The following PITPNC1 variants were observed in gnomAD, a reference collection of about 807,000 sequenced individuals.
PITPNC1 encodes cytoplasmic phosphatidylinositol transfer protein 1.
Under a neutral mutation model 44.7 loss-of-function variants are expected in PITPNC1, and 18 were observed. That is an observed-to-expected ratio of 0.40 (90% CI 0.28 to 0.60). PITPNC1 has a LOEUF of 0.60. Ranked by LOEUF, PITPNC1 falls within the 20% of genes least tolerant of loss-of-function variation. The pLI is 0.39. For missense variants in PITPNC1, 290 were observed against 418.4 expected, an observed-to-expected ratio of 0.69 and a Z score of 2.68; for synonymous variants, 141 against 149.6, an observed-to-expected ratio of 0.94 and a Z score of 0.42.
chr17:67,425,173 AACAGCCATGTTGTG>A (rs1375378480), intron 1 of PITPNC1, among the ~76,000 whole-genome samples: 5 of 138,854 alleles, frequency 3.6e-5, no homozygotes, highest in Admixed American at 7.6e-5. Context: ...AGGTGAAATA[AACAGCCATGTTGTG>A]CGCGCGCACG....
intron 5 of PITPNC1, among the ~76,000 whole-genome samples, chr17:67,581,271 C>T (rs1049458354): frequency 6.6e-6 from 1 of 152,228 alleles, no homozygotes; most frequent in African/African-American, 2.4e-5. Context: ...AGGATCCAGG[C>T]CCATGCCAAG....
intron 1 of PITPNC1, among the ~76,000 whole-genome samples, chr17:67,461,818 C>A (rs2039342567): frequency 6.6e-6 from 1 of 152,042 alleles, no homozygotes; most frequent in Non-Finnish European, 1.5e-5. Flanking sequence ...TGTCTCTAAA[C>A]AAAAACAAAA....
chr17:67,517,080 G>A (rs567450228), intron 1 of PITPNC1, among the ~76,000 whole-genome samples: 3 of 152,336 alleles, frequency 2.0e-5, no homozygotes. Flanking sequence ...ATTGTAATGT[G>A]AAGTTCAGCT....
chr17:67,538,189 A>G (rs1287183160), intron 2 of PITPNC1, among the ~76,000 whole-genome samples: 1 of 152,134 alleles, frequency 6.6e-6, no homozygotes, highest in Non-Finnish European at 1.5e-5. Context: ...TTTGTATTTA[A>G]TAGAGCTGGC....
rs115676680 is a variant in PITPNC1 at position 67,532,964 on chromosome 17, G to A, written c.197+14G>A. On this transcript the variant is annotated intron_variant, in intron 2 of 8. Transcript: ENST00000581322. ...GTATCTCAACAGGTGAGTCATGGCAGCCTGCGTTCTGCACAGAAGCCCCCT... is the reference window on the plus strand; with the variant it reads ...GTATCTCAACAGGTGAGTCATGGCAACCTGCGTTCTGCACAGAAGCCCCCT... The A allele has an allele frequency of 8.3e-4, 1,328 of 1,601,630 alleles. 9 individuals carry two copies. In the African/African-American group the frequency reaches 0.016, roughly 20 times the overall value.
At chr17:67,610,972 T>C (rs1305976417) in intron 5 of PITPNC1, among the ~76,000 whole-genome samples, 1 of 152,038 alleles carries the variant, frequency 6.6e-6, no homozygotes, top group Non-Finnish European at 1.5e-5. Flanking sequence ...TTCTAAACTT[T>C]GACATCTGCT....
chr17:67,472,656 A>G lies in PITPNC1; in HGVS notation c.49-60146A>G, dbSNP rs146067544. On this transcript the variant is annotated intron_variant, in intron 1 of 8. Coordinates refer to ENST00000581322, the MANE Select transcript of PITPNC1 (RefSeq NM_012417.4). ...AGGGAAACTCTGTCTCAAAAGAAAA[A>G]AAAAAAAAAAGGTCTGTGCATAAAT... 9.9e-4 allele frequency among the ~76,000 whole-genome samples: 150 copies of G among 151,878 alleles called. 2 individuals are homozygous for G. The East Asian group carries it at 0.024, about 24-fold the overall frequency.
At chr17:67,653,050 C>T (rs1006278419) in intron 6 of PITPNC1, among the ~76,000 whole-genome samples, 5 of 152,072 alleles carry the variant, frequency 3.3e-5, no homozygotes, top group African/African-American at 1.2e-4. Context: ...GGGAGGTCAA[C>T]GCAGGCGGAT....
intron 5 of PITPNC1, among the ~76,000 whole-genome samples, chr17:67,616,953 T>C (rs1458414539): frequency 6.6e-6 from 1 of 152,230 alleles, no homozygotes; most frequent in Non-Finnish European, 1.5e-5. Context: ...GTTTTGAATT[T>C]TCTGTGACCT....
At chr17:67,522,006 T>C (rs2040330998) in intron 1 of PITPNC1, among the ~76,000 whole-genome samples, 2 of 152,006 alleles carry the variant, frequency 1.3e-5, no homozygotes, top group African/African-American at 4.8e-5. Context: ...AATGGTCATA[T>C]ATTAAAGACC....
intron 5 of PITPNC1, among the ~76,000 whole-genome samples, chr17:67,618,150 G>T (rs2041783941): frequency 6.6e-6 from 1 of 152,012 alleles, no homozygotes; most frequent in Non-Finnish European, 1.5e-5. Flanking sequence ...GATCACTTAA[G>T]GTCAGGAATT....
chr17:67,625,389 T>G (rs1454520412), intron 5 of PITPNC1, among the ~76,000 whole-genome samples: 1 of 152,136 alleles, frequency 6.6e-6, no homozygotes, highest in Non-Finnish European at 1.5e-5. Flanking sequence ...CATCCTAACG[T>G]GACCTCAGCA....
In PITPNC1 at chr17:67,620,670, T is replaced by C. The variant is rs375593074; in HGVS notation, c.367-11473T>C. ...CCTCTGCGCCAAAGGCCTAATGATA[T>C]TGTCCACCAGAAAGGGTTCTCCAGA... On this transcript the variant is annotated intron_variant, in intron 5 of 8. Coordinates refer to ENST00000581322, the MANE Select transcript of PITPNC1 (RefSeq NM_012417.4). 7.9e-5 allele frequency among the ~76,000 whole-genome samples: 12 copies of C among 152,248 alleles called. No homozygotes were observed. The South Asian group carries it at 2.5e-3, about 32-fold the overall frequency.
At chr17:67,396,514 G>A (rs2038222770) in intron 1 of PITPNC1, among the ~76,000 whole-genome samples, 1 of 151,882 alleles carries the variant, frequency 6.6e-6, no homozygotes, top group Non-Finnish European at 1.5e-5. Flanking sequence ...GGGATTACAG[G>A]CACCGGCCAC....
At chr17:67,385,468 G>A (rs904487169) in intron 1 of PITPNC1, among the ~76,000 whole-genome samples, 2 of 152,058 alleles carry the variant, frequency 1.3e-5, no homozygotes, top group Non-Finnish European at 2.9e-5. Flanking sequence ...AGGGAATAAT[G>A]GCTGACCACC....
chr17:67,646,713 G>A (rs76415785), intron 6 of PITPNC1, among the ~76,000 whole-genome samples: 6,053 of 152,138 alleles, frequency 0.04, 154 homozygotes, highest in Non-Finnish European at 0.061. Context: ...TGGGTGTGTC[G>A]TGATGGGGAT....
At position 67,508,176 on chromosome 17, in the gene PITPNC1, A is replaced by T. The variant is rs1363718980; in HGVS notation, c.49-24626A>T. On this transcript the variant is annotated intron_variant, in intron 1 of 8. Transcript: ENST00000581322. The surrounding 1 kb of genome is among the most constrained non-coding windows in gnomAD (Gnocchi z 4.2). Reference sequence around the variant, plus strand: ...TTACCAGAAAGGGGCCCTGATCCAGACCCCAAGAGAGGGTTCTTGGATCTC... The same window carrying T: ...TTACCAGAAAGGGGCCCTGATCCAGTCCCCAAGAGAGGGTTCTTGGATCTC... Among the ~76,000 whole-genome samples, 3 of 152,152 alleles carry T rather than the reference A, an allele frequency of 2.0e-5. No individual in the cohort carries two copies. The highest frequency in any genetic ancestry group is 4.4e-5 in the Non-Finnish European group (3 of 68,030).
At chr17:67,399,008 CTTTTT>C (rs34059580) in intron 1 of PITPNC1, among the ~76,000 whole-genome samples, 1 of 88,490 alleles carries the variant, frequency 1.1e-5, no homozygotes, top group Admixed American at 1.4e-4. Flanking sequence ...AGAGGATCAG[CTTTTT>C]TTTTTTTTTT....
At chr17:67,431,751 C>T (rs1166297609) in intron 1 of PITPNC1, among the ~76,000 whole-genome samples, 1 of 152,194 alleles carries the variant, frequency 6.6e-6, no homozygotes, top group Non-Finnish European at 1.5e-5. Context: ...ATGCATAGTT[C>T]ACACATCTCC....
Sources: gnomAD v4.1 joint callset for allele counts (sites outside exome capture counted in the v4.1 genomes callset) on GRCh38, gnomAD v4.1.1 for gene constraint, Gnocchi (gnomAD v3.1) non-coding constraint, MANE v1.5 for transcripts, NCBI Gene and HGNC (gene_info 2026-07-23, HGNC 2026-07-21) for gene names.